Variants in NDST3 observed in about 807,000 individuals in gnomAD.
NDST3 encodes the protein N-deacetylase and N-sulfotransferase 3.
Under a neutral mutation model 96.1 loss-of-function variants are expected in NDST3, and 58 were observed. That is an observed-to-expected ratio of 0.60 (90% CI 0.49 to 0.75). NDST3 has a LOEUF of 0.75. Among genes scored for constraint, NDST3 ranks in the 30% least tolerant of loss-of-function variants. The pLI, the probability that NDST3 is intolerant of heterozygous loss-of-function variation, is 0.00. For missense variants in NDST3, 788 were observed against 1,034.2 expected, an observed-to-expected ratio of 0.76 and a Z score of 3.27; for synonymous variants, 333 against 359.7, an observed-to-expected ratio of 0.93 and a Z score of 0.84.
At chr4:118,171,104 T>C (rs1735920077) in intron 6 of NDST3, among the ~76,000 whole-genome samples, 1 of 152,164 alleles carries the variant, frequency 6.6e-6, no homozygotes, top group African/African-American at 2.4e-5. Flanking sequence ...TTAATTGATG[T>C]TTCAAATATC....
intron 2 of NDST3, among the ~76,000 whole-genome samples, chr4:118,065,147 G>A (rs1027480848): frequency 3.3e-5 from 5 of 152,044 alleles, no homozygotes; most frequent in Admixed American, 6.6e-5. Context: ...ATTTCTTGGC[G>A]GGGGAGGTAA....
chr4:118,168,802 G>A (rs1040565767), intron 6 of NDST3, among the ~76,000 whole-genome samples: 5 of 152,224 alleles, frequency 3.3e-5, no homozygotes, highest in Admixed American at 1.3e-4. Flanking sequence ...AAAAGAACAG[G>A]GAAATCCTGC....
At chr4:118,170,684 G>A (rs545145989) in intron 6 of NDST3, among the ~76,000 whole-genome samples, 9 of 152,094 alleles carry the variant, frequency 5.9e-5, no homozygotes, top group Admixed American at 2.6e-4. Context: ...AGCCGAGATC[G>A]CACCACTGCA....
chr4:118,214,302 C>T (rs996601358), intron 6 of NDST3, among the ~76,000 whole-genome samples: 6 of 152,210 alleles, frequency 3.9e-5, no homozygotes, highest in Non-Finnish European at 5.9e-5. Context: ...ACAGCTGCAC[C>T]AGCCACATGT....
chr4:118,208,792 TTAAAA>T (rs1738604921), intron 6 of NDST3, among the ~76,000 whole-genome samples: 1 of 144,852 alleles, frequency 6.9e-6, no homozygotes, highest in African/African-American at 2.5e-5. Flanking sequence ...AGGGGCTGTC[TTAAAA>T]TAAATAAATT....
chr4:118,254,598 TTTTA>T (rs1741997514), intron 13 of NDST3, among the ~76,000 whole-genome samples: 1 of 152,190 alleles, frequency 6.6e-6, no homozygotes, highest in Admixed American at 6.6e-5. Context: ...CTAATAATAT[TTTTA>T]TTTATTATTA....
chr4:118,148,877 A>G (rs1296131496), intron 6 of NDST3, among the ~76,000 whole-genome samples: 2 of 152,218 alleles, frequency 1.3e-5, no homozygotes, highest in Non-Finnish European at 2.9e-5. Flanking sequence ...GACCTAGAAA[A>G]GTAATTCCTG....
intron 6 of NDST3, among the ~76,000 whole-genome samples, chr4:118,212,059 G>A (rs1738837237): frequency 6.6e-6 from 1 of 152,138 alleles, no homozygotes; most frequent in African/African-American, 2.4e-5. Context: ...CCTTAGGACA[G>A]GTAGGGTTGG....
intron 2 of NDST3, among the ~76,000 whole-genome samples, chr4:118,100,650 T>C (rs1729688609): frequency 6.6e-6 from 1 of 152,134 alleles, no homozygotes; most frequent in African/African-American, 2.4e-5. Context: ...CAGTTCTGTA[T>C]GCCAGTGATA....
chr4:118,058,266 A>G (rs559530830), intron 2 of NDST3, among the ~76,000 whole-genome samples: 1 of 152,070 alleles, frequency 6.6e-6, no homozygotes, highest in South Asian at 2.1e-4. Context: ...TATGTGGAAT[A>G]GAAAATGTGC....
At chr4:118,063,666 G>T (rs766908487) in intron 2 of NDST3, among the ~76,000 whole-genome samples, 1 of 152,138 alleles carries the variant, frequency 6.6e-6, no homozygotes, top group Admixed American at 6.5e-5. Flanking sequence ...GAGTATGTAC[G>T]TTGTTTTAAG....
At chr4:118,094,959 T>C (rs1282462263) in intron 2 of NDST3, among the ~76,000 whole-genome samples, 2 of 151,924 alleles carry the variant, frequency 1.3e-5, no homozygotes, top group Non-Finnish European at 2.9e-5. Flanking sequence ...TGTGAAGTGA[T>C]GGACATGTTA....
intron 12 of NDST3, among the ~76,000 whole-genome samples, chr4:118,244,552 C>T (rs1437301842): frequency 6.6e-6 from 1 of 151,996 alleles, no homozygotes; most frequent in African/African-American, 2.4e-5. Context: ...AATATGAATT[C>T]TCAACTAACT....
At chr4:118,197,797 T>C (rs750621257) in intron 6 of NDST3, among the ~76,000 whole-genome samples, 2 of 146,464 alleles carry the variant, frequency 1.4e-5, no homozygotes, top group Non-Finnish European at 3.0e-5. Context: ...ATTTTTTGGC[T>C]TTTGGCTTTT....
At chr4:118,131,689 G>A (rs1358412365) in intron 4 of NDST3, among the ~76,000 whole-genome samples, 1 of 152,020 alleles carries the variant, frequency 6.6e-6, no homozygotes, top group Non-Finnish European at 1.5e-5. Context: ...AGAATAGTTA[G>A]GTATTTACTA....
chr4:118,111,343 C>T (rs4834657), intron 3 of NDST3, among the ~76,000 whole-genome samples: 114,412 of 151,878 alleles, frequency 0.75, 45,739 homozygotes, highest in South Asian at 0.92. Context: ...AAAATACATA[C>T]AATCTGCATC....
intron 2 of NDST3, among the ~76,000 whole-genome samples, chr4:118,076,186 C>T (rs1368691492): frequency 1.3e-5 from 2 of 152,108 alleles, no homozygotes; most frequent in African/African-American, 4.8e-5. Context: ...GATAGGTTTC[C>T]CTTTGTGGGT....
intron 6 of NDST3, among the ~76,000 whole-genome samples, chr4:118,145,360 C>G (rs1234596926): frequency 2.0e-5 from 3 of 152,148 alleles, no homozygotes. Flanking sequence ...CATAGAGCAA[C>G]AGAAGTATTA....
intron 6 of NDST3, among the ~76,000 whole-genome samples, chr4:118,171,215 A>G (rs1168171364): frequency 6.6e-6 from 1 of 152,166 alleles, no homozygotes; most frequent in Non-Finnish European, 1.5e-5. Context: ...TTCAGCCCTA[A>G]AAGAACTCAG....
Sources: gnomAD v4.1 joint callset for allele counts (sites outside exome capture counted in the v4.1 genomes callset) on GRCh38, gnomAD v4.1.1 for gene constraint, MANE v1.5 for transcripts, NCBI Gene and HGNC (gene_info 2026-07-23, HGNC 2026-07-21) for gene names.